SDK1: variants seen among roughly 807,000 people sequenced by gnomAD.
SDK1 encodes the protein sidekick cell adhesion molecule 1.
A neutral mutation model predicts 245.5 loss-of-function variants in SDK1; 157 were observed. The ratio of observed to expected loss-of-function variants is 0.64; its 90% confidence interval spans 0.56 to 0.73. The LOEUF is 0.73. Ranked by LOEUF, SDK1 falls within the 30% of genes least tolerant of loss-of-function variation. SDK1 has a pLI of 0.00. For synonymous variants in SDK1, 1,647 were observed against 1,278.5 expected, an observed-to-expected ratio of 1.29 and a Z score of -6.15; for missense variants, 3,583 against 3,002.3, an observed-to-expected ratio of 1.19 and a Z score of -4.52.
At chr7:3,942,019 C>T (rs188768740) in intron 5 of SDK1, among the ~76,000 whole-genome samples, 1 of 151,796 alleles carries the variant, frequency 6.6e-6, no homozygotes, top group East Asian at 1.9e-4. Context: ...TGCCATTCTC[C>T]TGCCTCAGCC....
rs55899344 is a variant in SDK1 at position 4,074,916 on chromosome 7, ATTTT to A, written c.3011-2070_3011-2067del. Among the ~76,000 whole-genome samples, 111 of 64,586 alleles carry A rather than the reference ATTTT, an allele frequency of 1.7e-3. 1 individual carries two copies. The highest frequency in any genetic ancestry group is 7.3e-3 in the African/African-American group (62 of 8,478). The allele number at this position is 64,586 out of a possible 152,430, so 42.4% of individuals were successfully genotyped here. A position where few individuals can be genotyped will look rare whatever the true frequency, so the allele number is the denominator to read the frequency against. On this transcript the variant is annotated intron_variant, in intron 20 of 44. Coordinates refer to ENST00000404826, the MANE Select transcript of SDK1 (RefSeq NM_152744.4). ...TATATATATATATATATATATATAT[ATTTT>A]TTTTTTTTTTTAATAAAGTTAGGAA...
intron 1 of SDK1, among the ~76,000 whole-genome samples, chr7:3,490,790 A>C (rs1781841428): frequency 6.6e-6 from 1 of 152,192 alleles, no homozygotes; most frequent in South Asian, 2.1e-4. Flanking sequence ...GGGGCTGCAC[A>C]TCCCACATTT....
chr7:3,861,179 G>A (rs952125401), intron 5 of SDK1, among the ~76,000 whole-genome samples: 16 of 152,254 alleles, frequency 1.1e-4, no homozygotes, highest in African/African-American at 3.6e-4. Context: ...GGAAACAGTT[G>A]TAATGTTCCT....
intron 1 of SDK1, among the ~76,000 whole-genome samples, chr7:3,604,268 C>T (rs1781345911): frequency 6.6e-6 from 1 of 152,160 alleles, no homozygotes; most frequent in Non-Finnish European, 1.5e-5. Context: ...GTACCAGCTC[C>T]TCTTTGTACC....
At chr7:3,822,615 C>A (rs1331356290) in intron 5 of SDK1, among the ~76,000 whole-genome samples, 2 of 151,684 alleles carry the variant, frequency 1.3e-5, no homozygotes, top group Non-Finnish European at 2.9e-5. Context: ...ACAAAAAATG[C>A]AAAATTAGCA....
intron 1 of SDK1, among the ~76,000 whole-genome samples, chr7:3,472,849 C>G (rs1320970235): frequency 6.6e-6 from 1 of 152,090 alleles, no homozygotes; most frequent in African/African-American, 2.4e-5. Flanking sequence ...GCTTACAGTA[C>G]CAGCATGAGA....
At position 4,224,850 on chromosome 7, in the gene SDK1, G is replaced by A. The variant is rs535538174; in HGVS notation, c.5827+3486G>A. On this transcript the variant is annotated intron_variant, in intron 40 of 44. Transcript: ENST00000404826. Reference sequence around the variant, plus strand: ...AGAAAAAAATTAGCTGGGTGTGGTGGCATGCACCTATAGTCCCAGCTACTC... The same window carrying A: ...AGAAAAAAATTAGCTGGGTGTGGTGACATGCACCTATAGTCCCAGCTACTC... Among the ~76,000 whole-genome samples, 9 of 151,746 alleles carry A rather than the reference G, an allele frequency of 5.9e-5. No individual in the cohort carries two copies. In the South Asian group the frequency reaches 1.9e-3, roughly 32 times the overall value.
At chr7:3,559,404 GA>G (rs992305653) in intron 1 of SDK1, among the ~76,000 whole-genome samples, 1 of 151,720 alleles carries the variant, frequency 6.6e-6, no homozygotes, top group Non-Finnish European at 1.5e-5. Flanking sequence ...CCATTTCCAG[GA>G]AAAAAAATTT....
At chr7:3,599,844 T>G (rs900350656) in intron 1 of SDK1, among the ~76,000 whole-genome samples, 1 of 152,374 alleles carries the variant, frequency 6.6e-6, no homozygotes. Flanking sequence ...TTACTGTAGC[T>G]AGATAGTAAC....
chr7:3,560,716 C>G (rs1779723822), intron 1 of SDK1, among the ~76,000 whole-genome samples: 3 of 152,248 alleles, frequency 2.0e-5, no homozygotes, highest in Admixed American at 6.5e-5. Flanking sequence ...AGTTCAGACC[C>G]ACGTCTCCAC....
rs143880745 is a variant in SDK1 at position 4,181,907 on chromosome 7, C to T, written c.5098+3321C>T. On this transcript the variant is annotated intron_variant, in intron 35 of 44. Coordinates refer to ENST00000404826, the MANE Select transcript of SDK1 (RefSeq NM_152744.4). The stretch of plus-strand genomic sequence containing the variant: ...AGTTTAACTTGGCTGAGGCCTGAAG[C>T]ACCCTTTATGCATCTTTTTTTTCTT... Among the ~76,000 whole-genome samples, 499 of 152,258 alleles carry T rather than the reference C, an allele frequency of 3.3e-3. 2 individuals carry two copies. The highest frequency in any genetic ancestry group is 5.6e-3 in the Non-Finnish European group (381 of 68,028).
At chr7:3,755,854 A>G (rs780964290) in intron 4 of SDK1, among the ~76,000 whole-genome samples, 1 of 152,180 alleles carries the variant, frequency 6.6e-6, no homozygotes, top group Non-Finnish European at 1.5e-5. Context: ...GACTCCTTTC[A>G]CATGGCATAG....
chr7:3,630,641 G>C (rs1782261871), intron 2 of SDK1, among the ~76,000 whole-genome samples: 1 of 151,814 alleles, frequency 6.6e-6, no homozygotes, highest in South Asian at 2.1e-4. Context: ...ATCTCAAGAA[G>C]AAAAAAATTT....
At chr7:3,366,058 CT>C (rs1464477200) in intron 1 of SDK1, among the ~76,000 whole-genome samples, 1 of 149,764 alleles carries the variant, frequency 6.7e-6, no homozygotes, top group Non-Finnish European at 1.5e-5. Flanking sequence ...AAAAAAGTCT[CT>C]TCATATATTT....
intron 13 of SDK1, among the ~76,000 whole-genome samples, chr7:3,984,966 C>G (rs913674999): frequency 1.3e-5 from 2 of 152,258 alleles, no homozygotes; most frequent in African/African-American, 4.8e-5. Flanking sequence ...TCCTACCACT[C>G]TCACCGACCC....
intron 1 of SDK1, among the ~76,000 whole-genome samples, chr7:3,430,417 A>G (rs1779807547): frequency 1.3e-5 from 2 of 152,198 alleles, no homozygotes; most frequent in Admixed American, 6.5e-5. Flanking sequence ...CTAAGGGACC[A>G]TGGACTGGAA....
intron 1 of SDK1, among the ~76,000 whole-genome samples, chr7:3,483,983 T>C (rs979451691): frequency 1.3e-5 from 2 of 152,240 alleles, no homozygotes; most frequent in Non-Finnish European, 2.9e-5. Context: ...TATTTTGATA[T>C]ACGCATATGA....
intron 4 of SDK1, among the ~76,000 whole-genome samples, chr7:3,788,216 T>C (rs921656034): frequency 2.6e-5 from 4 of 152,168 alleles, no homozygotes; most frequent in African/African-American, 9.7e-5. Context: ...TCAACAGTCA[T>C]GGGTGGCTAC....
At chr7:4,042,534 G>T (rs1297040769) in intron 17 of SDK1, among the ~76,000 whole-genome samples, 1 of 136,262 alleles carries the variant, frequency 7.3e-6, no homozygotes, top group Non-Finnish European at 1.5e-5. Flanking sequence ...TGTCTGCTCA[G>T]TGAAAACCAG....
Sources: gnomAD v4.1 joint callset for allele counts (sites outside exome capture counted in the v4.1 genomes callset) on GRCh38, gnomAD v4.1.1 for gene constraint, MANE v1.5 for transcripts, NCBI Gene and HGNC (gene_info 2026-07-23, HGNC 2026-07-21) for gene names.